The following MBD5 variants were observed in gnomAD, a reference collection of about 807,000 sequenced individuals.
MBD5 encodes methyl-CpG binding domain protein 5.
A neutral mutation model predicts 117.3 loss-of-function variants in MBD5; 13 were observed. The ratio of observed to expected loss-of-function variants is 0.11; its 90% CI spans 0.07 to 0.18. The LOEUF (loss-of-function observed/expected upper bound fraction) is 0.18, where lower values mean the gene tolerates loss of function less well. Among genes scored for constraint, MBD5 ranks in the 10% least tolerant of loss-of-function variants. The probability of loss-of-function intolerance (pLI) is 1.00; values close to 1 mark genes in which losing one functional copy is unlikely to be tolerated. For missense variants in MBD5, 1,879 were observed against 2,093.8 expected, an observed-to-expected ratio of 0.90 and a Z score of 2.00; for synonymous variants, 727 against 766.4, an observed-to-expected ratio of 0.95 and a Z score of 0.85.
chr2:148,137,552 G>T (rs1297498728), intron 1 of MBD5, among the ~76,000 whole-genome samples: 1 of 152,114 alleles, frequency 6.6e-6, no homozygotes, highest in Non-Finnish European at 1.5e-5. Context: ...TTGAGGCCAG[G>T]AATTCAAGAC....
intron 3 of MBD5, among the ~76,000 whole-genome samples, chr2:148,304,844 C>T (rs1489965746): frequency 1.3e-5 from 2 of 152,108 alleles, no homozygotes; most frequent in Non-Finnish European, 2.9e-5. Context: ...GGGCGGATCA[C>T]TAGGTCAGGA....
At chr2:148,202,360 T>A (rs1699167181) in intron 2 of MBD5, among the ~76,000 whole-genome samples, 1 of 152,028 alleles carries the variant, frequency 6.6e-6, no homozygotes, top group Non-Finnish European at 1.5e-5. Context: ...AACTTCCAAG[T>A]TGATGGAAGT....
intron 3 of MBD5, among the ~76,000 whole-genome samples, chr2:148,238,819 CTGTT>C (rs1700147062): frequency 6.6e-6 from 1 of 152,048 alleles, no homozygotes; most frequent in Non-Finnish European, 1.5e-5. Context: ...CCCTGTGTGT[CTGTT>C]TCTCTTCTGC....
intron 1 of MBD5, among the ~76,000 whole-genome samples, chr2:148,070,675 C>T (rs1056483362): frequency 6.6e-6 from 1 of 152,140 alleles, no homozygotes; most frequent in Non-Finnish European, 1.5e-5. Context: ...CTACCTGGCA[C>T]ATTTTAGGTT....
At position 148,341,670 on chromosome 2, in the gene MBD5, G is replaced by A. The variant is rs567619742; in HGVS notation, c.-679-544G>A. ...AGACTGGCAAACTTCTTTTAATTGG[G>A]CTATAATAGAAAGAGTAGGTTTGAA... On this transcript the variant is annotated intron_variant, in intron 3 of 13. Coordinates refer to ENST00000642680, the MANE Select transcript of MBD5 (RefSeq NM_001378120.1). Among the ~76,000 whole-genome samples the A allele has an allele frequency of 2.6e-5, 4 of 151,838 alleles. No homozygotes were observed. The South Asian group carries it at 8.3e-4, about 32-fold the overall frequency.
chr2:148,433,068 A>G (rs1485997759), intron 4 of MBD5, among the ~76,000 whole-genome samples: 1 of 152,042 alleles, frequency 6.6e-6, no homozygotes, highest in East Asian at 1.9e-4. Flanking sequence ...TTCTTGTTGT[A>G]GAGATCTTTC....
intron 1 of MBD5, among the ~76,000 whole-genome samples, chr2:148,050,370 A>T (rs1694662153): frequency 6.6e-6 from 1 of 152,096 alleles, no homozygotes. Context: ...CATTTTAGAG[A>T]AATGATTATT....
At chr2:148,414,016 G>A (rs184826325) in intron 4 of MBD5, among the ~76,000 whole-genome samples, 6 of 151,476 alleles carry the variant, frequency 4.0e-5, no homozygotes, top group African/African-American at 1.2e-4. Flanking sequence ...TGGCATTGGA[G>A]TTGGTTTGGT....
chr2:148,280,635 G>T (rs999954413), intron 3 of MBD5, among the ~76,000 whole-genome samples: 1 of 152,078 alleles, frequency 6.6e-6, no homozygotes, highest in Non-Finnish European at 1.5e-5. Flanking sequence ...TTGCCATGTT[G>T]CCCAGGCGGG....
chr2:148,290,074 G>A (rs902420928), intron 3 of MBD5, among the ~76,000 whole-genome samples: 2 of 148,528 alleles, frequency 1.3e-5, no homozygotes, highest in African/African-American at 5.0e-5. Context: ...TCCTGCCTCA[G>A]CCTCCCAAGT....
chr2:148,133,306 G>A (rs959407826), intron 1 of MBD5, among the ~76,000 whole-genome samples: 1 of 152,048 alleles, frequency 6.6e-6, no homozygotes, highest in African/African-American at 2.4e-5. Flanking sequence ...AAGATATTTG[G>A]TATTGCAGTT....
intron 3 of MBD5, among the ~76,000 whole-genome samples, chr2:148,316,098 T>C (rs911193388): frequency 1.3e-5 from 2 of 152,090 alleles, no homozygotes; most frequent in African/African-American, 4.8e-5. Flanking sequence ...AACAACCAGA[T>C]CTCATGAGAA....
chr2:148,212,602 A>G (rs1380842770), intron 2 of MBD5, among the ~76,000 whole-genome samples: 1 of 152,176 alleles, frequency 6.6e-6, no homozygotes, highest in Non-Finnish European at 1.5e-5. Context: ...GTGTATGTAT[A>G]TATGTGTATG....
intron 1 of MBD5, chr2:148,026,612 G>T (rs143177194): frequency 6.6e-6 from 1 of 152,096 alleles, no homozygotes; most frequent in Non-Finnish European, 1.5e-5. Flanking sequence ...CACAGAGCGG[G>T]ACCTTGTCTC....
At chr2:148,059,590 G>C (rs1312805416) in intron 1 of MBD5, among the ~76,000 whole-genome samples, 1 of 152,168 alleles carries the variant, frequency 6.6e-6, no homozygotes, top group Admixed American at 6.5e-5. Context: ...GTTCATGCCT[G>C]TAATCCCAGC....
At chr2:148,045,179 T>C (rs1694481199) in intron 1 of MBD5, among the ~76,000 whole-genome samples, 1 of 152,188 alleles carries the variant, frequency 6.6e-6, no homozygotes, top group South Asian at 2.1e-4. Flanking sequence ...ACATAGTAAA[T>C]ACATACTGTG....
At chr2:148,426,530 T>C (rs1705793284) in intron 4 of MBD5, among the ~76,000 whole-genome samples, 1 of 151,974 alleles carries the variant, frequency 6.6e-6, no homozygotes, top group Admixed American at 6.6e-5. Flanking sequence ...TTGACAAACC[T>C]GACAAAAATA....
chr2:148,344,263 G>C (rs527619043), intron 4 of MBD5, among the ~76,000 whole-genome samples: 1 of 151,804 alleles, frequency 6.6e-6, no homozygotes, highest in African/African-American at 2.4e-5. Flanking sequence ...TTTCAGATTT[G>C]TTCTTTTTGC....
chr2:148,242,588 C>G (rs954501736), intron 3 of MBD5, among the ~76,000 whole-genome samples: 1 of 152,058 alleles, frequency 6.6e-6, no homozygotes, highest in Non-Finnish European at 1.5e-5. Flanking sequence ...AAGAATGAGT[C>G]TAAGGAAGTT....
Sources: allele counts gnomAD v4.1 joint callset (sites outside exome capture counted in the v4.1 genomes callset), GRCh38; gene constraint gnomAD v4.1.1; transcripts MANE v1.5; gene names NCBI Gene and HGNC (gene_info 2026-07-23, HGNC 2026-07-21).